BMP5: variants seen among roughly 807,000 people sequenced by gnomAD.
BMP5 encodes bone morphogenetic protein 5.
BMP5 carries 23 observed loss-of-function variants against 46.6 expected under a neutral mutation model. The observed-to-expected ratio is 0.49, with a 90% CI of 0.35 to 0.70. BMP5 has a LOEUF of 0.70. Among genes scored for constraint, BMP5 ranks in the 30% least tolerant of loss-of-function variants. The pLI, the probability that BMP5 is intolerant of heterozygous loss-of-function variation, is 0.00. For missense variants in BMP5, 545 were observed against 565.6 expected, an observed-to-expected ratio of 0.96 and a Z score of 0.37; for synonymous variants, 204 against 191.9, an observed-to-expected ratio of 1.06 and a Z score of -0.52.
intron 3 of BMP5, among the ~76,000 whole-genome samples, chr6:55,778,595 GT>G (rs1775235111): frequency 7.9e-5 from 12 of 151,898 alleles, no homozygotes; most frequent in Admixed American, 7.9e-4. Context: ...CTCGTGAAAA[GT>G]TTTTTAAGAA....
At chr6:55,789,174 A>G (rs2127527015) in intron 3 of BMP5, among the ~76,000 whole-genome samples, 1 of 152,082 alleles carries the variant, frequency 6.6e-6, no homozygotes, top group East Asian at 1.9e-4. Context: ...TGAATCAGAA[A>G]CATACGGATT....
rs896849421 is a variant in BMP5, at chr6:55,836,052, G to T, written c.491-16205C>A. On this transcript the variant is annotated intron_variant, in intron 1 of 6. Transcript: ENST00000370830. ...CATCTATATGTTTATTTAAATGTAG[G>T]CTACCTAGCTCAATTTTCCCAATCA... Among the ~76,000 whole-genome samples the T allele has an allele frequency of 2.0e-5, 3 of 152,078 alleles. No individual in the cohort carries two copies. The East Asian group carries it at 5.8e-4, about 29-fold the overall frequency.
Position 55,819,727 on chromosome 6 carries a change from C to T in BMP5, c.611G>A (p.Arg204Gln), listed in dbSNP as rs756580656. The T allele has an allele frequency of 1.1e-5, 17 of 1,613,654 alleles. No individual in the cohort carries two copies. Among genetic ancestry groups the T allele is most frequent in the Non-Finnish European group, 1.4e-5 (16 of 1,179,900 alleles). The change falls in exon 2 of 7, where the codon CGG becomes CAG. Residue 204 changes from arginine to glutamine, a missense_variant. Transcript: ENST00000370830. The part of the protein sequence containing the change: ...TAAEFRIYKD[R>Q]SNNRFENETI... ...TTCATTTTCAAATCGGTTGTTGCTC[C>T]GGTCCTTGTATATCCGGAATTCAGC... is the stretch of plus-strand genomic sequence containing the variant.
At chr6:55,838,179 T>C (rs1776867364) in intron 1 of BMP5, among the ~76,000 whole-genome samples, 2 of 152,192 alleles carry the variant, frequency 1.3e-5, no homozygotes, top group Non-Finnish European at 2.9e-5. Context: ...TGCCAAATCA[T>C]TGGATAGCTC....
chr6:55,858,674 G>C (rs1206002351), intron 1 of BMP5, among the ~76,000 whole-genome samples: 1 of 152,134 alleles, frequency 6.6e-6, no homozygotes, highest in East Asian at 1.9e-4. Flanking sequence ...TATTTTTCAG[G>C]AGGCTTAAAC....
chr6:55,815,228 A>G (rs557944993), intron 2 of BMP5, among the ~76,000 whole-genome samples: 2 of 152,268 alleles, frequency 1.3e-5, no homozygotes, highest in South Asian at 4.1e-4. Context: ...TTCCAAATAC[A>G]TTAGCAAAAA....
Position 55,830,732 on chromosome 6 carries a change from A to G in BMP5, c.491-10885T>C, listed in dbSNP as rs188292342. 2.6e-5 allele frequency among the ~76,000 whole-genome samples: 4 copies of G among 152,244 alleles called. No individual in the cohort carries two copies. In the East Asian group the frequency reaches 7.7e-4, roughly 29 times the overall value. On this transcript the variant is annotated intron_variant, in intron 1 of 6. Transcript: ENST00000370830. ...TCATATATACTGTTACATAAAACCTAAATTTACAATAGAAAAGGCTGAATT... is the reference window on the plus strand; with the variant it reads ...TCATATATACTGTTACATAAAACCTGAATTTACAATAGAAAAGGCTGAATT...
At chr6:55,843,752 A>G (rs1042755558) in intron 1 of BMP5, among the ~76,000 whole-genome samples, 6 of 152,232 alleles carry the variant, frequency 3.9e-5, no homozygotes, top group Admixed American at 2.0e-4. Context: ...TTTGTGCTGA[A>G]TAAGTTAATA....
intron 6 of BMP5, 74 bp from the exon 7 acceptor site, chr6:55,755,756 T>G: frequency 7.1e-7 from 1 of 1,408,100 alleles, no homozygotes; most frequent in Non-Finnish European, 1.0e-6. Context: ...AATGGTATGA[T>G]TATTTTATCA....
At chr6:55,815,476 C>T (rs542574139) in intron 2 of BMP5, among the ~76,000 whole-genome samples, 2 of 152,124 alleles carry the variant, frequency 1.3e-5, no homozygotes, top group East Asian at 3.9e-4. Flanking sequence ...GATATACATG[C>T]ACTTTAGATT....
At position 55,773,688 on chromosome 6, in the gene BMP5, A is replaced by G. The variant is rs536247775; in HGVS notation, c.1027+361T>C. ...ACTTAAGTACGAAAGAAAGGATTTTACATTTAATTTACCTGGTTGACCATC... is the reference window on the plus strand; with the variant it reads ...ACTTAAGTACGAAAGAAAGGATTTTGCATTTAATTTACCTGGTTGACCATC... On this transcript the variant is annotated intron_variant, in intron 4 of 6. Coordinates refer to ENST00000370830, the MANE Select transcript of BMP5 (RefSeq NM_021073.4). Among the ~76,000 whole-genome samples the G allele has an allele frequency of 1.3e-4, 20 of 152,134 alleles. No homozygotes were observed. In the South Asian group the frequency reaches 3.5e-3, roughly 27 times the overall value.
intron 4 of BMP5, among the ~76,000 whole-genome samples, chr6:55,765,210 C>CATT (rs1282891440): frequency 5.3e-5 from 8 of 151,880 alleles, no homozygotes; most frequent in Admixed American, 2.0e-4. Context: ...AAAGACAATC[C>CATT]AGGCCAAAAA....
chr6:55,818,310 G>A (rs1156341463), intron 2 of BMP5, among the ~76,000 whole-genome samples: 2 of 151,536 alleles, frequency 1.3e-5, no homozygotes, highest in Admixed American at 1.3e-4. Context: ...ACAAACATAA[G>A]TGATCTGATT....
intron 1 of BMP5, among the ~76,000 whole-genome samples, chr6:55,845,085 A>G (rs907766954): frequency 3.9e-5 from 6 of 152,078 alleles, no homozygotes; most frequent in African/African-American, 1.4e-4. Flanking sequence ...GAAACATACT[A>G]AAATTTGAAG....
At chr6:55,791,317 C>T (rs1775568563) in intron 3 of BMP5, among the ~76,000 whole-genome samples, 1 of 152,174 alleles carries the variant, frequency 6.6e-6, no homozygotes, top group Non-Finnish European at 1.5e-5. Context: ...CCTATCTCTT[C>T]CACCTCTGGT....
chr6:55,794,134 T>G lies in BMP5; in HGVS notation c.832+145A>C, dbSNP rs1037515203. On this transcript the variant is annotated intron_variant, in intron 3 of 6. Transcript: ENST00000370830. ...ATGTGTTCTGAATTGATTAACTAAC[T>G]AATATAGTTTTGCACTACCCTATAG... 104 of 802,962 alleles carry G rather than the reference T, an allele frequency of 1.3e-4. 1 individual carries two copies. Among genetic ancestry groups the G allele is most frequent in the Admixed American group, 1.3e-4 (5 of 37,664 alleles). The allele number at this position is 802,962 out of a possible 1,614,324, so 49.7% of individuals were successfully genotyped here.
chr6:55,856,200 T>C (rs1004325244), intron 1 of BMP5, among the ~76,000 whole-genome samples: 2 of 152,240 alleles, frequency 1.3e-5, no homozygotes, highest in African/African-American at 2.4e-5. Context: ...GTTTATGTTT[T>C]AGCATTATCA....
intron 2 of BMP5, among the ~76,000 whole-genome samples, chr6:55,817,494 G>T (rs540649991): frequency 1.1e-4 from 17 of 151,792 alleles, no homozygotes; most frequent in Non-Finnish European, 1.9e-4. Context: ...GCAAACTATC[G>T]CAAGGACAAA....
chr6:55,832,084 A>G (rs983316759), intron 1 of BMP5, among the ~76,000 whole-genome samples: 6 of 152,150 alleles, frequency 3.9e-5, no homozygotes, highest in African/African-American at 1.4e-4. Context: ...TACCATTTGT[A>G]CCATCTTTTG....
Sources: gnomAD v4.1 joint callset for allele counts (sites outside exome capture counted in the v4.1 genomes callset) on GRCh38, gnomAD v4.1.1 for gene constraint, MANE v1.5 for transcripts, NCBI Gene and HGNC (gene_info 2026-07-23, HGNC 2026-07-21) for gene names.